The following RHBDD1 variants were observed in gnomAD, a reference collection of about 807,000 sequenced individuals.
RHBDD1 encodes the protein rhomboid-related protein 4.
A neutral mutation model predicts 36.3 loss-of-function variants in RHBDD1; 38 were observed. The observed-to-expected ratio is 1.05, with a 90% CI of 0.81 to 1.37. RHBDD1 has a LOEUF of 1.37. RHBDD1 is among the 40% of genes most tolerant of loss of function. The pLI is 0.00. For missense variants in RHBDD1, 393 were observed against 377.6 expected (o/e 1.04, Z -0.34); for synonymous variants, 151 against 136.5 (o/e 1.11, Z -0.74).
chr2:226,834,827 G>C (rs1221544764), upstream of RHBDD1, among the ~76,000 whole-genome samples: 1 of 152,122 alleles, frequency 6.6e-6, no homozygotes, highest in South Asian at 2.1e-4. Flanking sequence ...TGTCGCCCAG[G>C]CTGGAGTGCA....
chr2:226,904,595 G>T (rs758605095), intron 5 of RHBDD1, among the ~76,000 whole-genome samples: 1 of 152,206 alleles, frequency 6.6e-6, no homozygotes, highest in Admixed American at 6.5e-5. Flanking sequence ...CTGGGCAATA[G>T]TGTCATTTAG....
rs548863366 is a variant in RHBDD1 at position 226,928,867 on chromosome 2, G to A, written c.856+14516G>A. 1.8e-4 allele frequency among the ~76,000 whole-genome samples: 28 copies of A among 152,094 alleles called. 1 individual carries two copies. In the South Asian group the frequency reaches 5.4e-3, roughly 29 times the overall value. ...ATACAAAAGACCATTTGAGATTACT[G>A]TGAACACCTCTATGCATACAAACTA... On this transcript the variant is annotated intron_variant, in intron 8 of 8. Transcript: ENST00000392062.
chr2:226,964,400 A>G (rs1952461615), intron 8 of RHBDD1, among the ~76,000 whole-genome samples: 1 of 152,054 alleles, frequency 6.6e-6, no homozygotes, highest in African/African-American at 2.4e-5. Context: ...TTGTTTTCCC[A>G]ATGTCACACT....
intron 5 of RHBDD1, among the ~76,000 whole-genome samples, chr2:226,878,282 C>T (rs1438101303): frequency 6.6e-6 from 1 of 151,090 alleles, no homozygotes; most frequent in Non-Finnish European, 1.5e-5. Context: ...GAACTGTGGA[C>T]TTGAACTGTT....
the RHBDD1 span, among the ~76,000 whole-genome samples, chr2:226,818,817 C>A: frequency 1.3e-5 from 2 of 151,690 alleles, no homozygotes; most frequent in Admixed American, 6.6e-5. Context: ...CCAGCCTGGG[C>A]AACAAGAGTG....
the RHBDD1 span, among the ~76,000 whole-genome samples, chr2:226,817,505 A>T: frequency 6.6e-6 from 1 of 152,212 alleles, no homozygotes; most frequent in East Asian, 1.9e-4. Context: ...AAGCAACCAT[A>T]AACTGGAAGC....
intron 4 of RHBDD1, among the ~76,000 whole-genome samples, chr2:226,865,329 C>A (rs1944236884): frequency 6.6e-6 from 1 of 152,200 alleles, no homozygotes; most frequent in Admixed American, 6.5e-5. Flanking sequence ...TCTTAGTCTG[C>A]ACTAGGACCT....
chr2:226,838,865 T>C (rs1941301141), intron 2 of RHBDD1, among the ~76,000 whole-genome samples: 1 of 152,096 alleles, frequency 6.6e-6, no homozygotes, highest in Admixed American at 6.6e-5. Flanking sequence ...CTTGTAGAAA[T>C]TGTTTTGGAT....
At chr2:226,869,146 C>T (rs974952784) in intron 5 of RHBDD1, 29 of 983,146 alleles carry the variant, frequency 2.9e-5, no homozygotes, top group Non-Finnish European at 3.5e-5. Flanking sequence ...TTTTAGGGTT[C>T]CCCCCAACTT....
At chr2:226,816,375 C>CAAAAAAAAAAAAAAAAAAAAA in the RHBDD1 span, among the ~76,000 whole-genome samples, 2 of 64,940 alleles carry the variant, frequency 3.1e-5, no homozygotes, top group African/African-American at 9.4e-5. Flanking sequence ...GGAATGGTGG[C>CAAAAAAAAAAAAAAAAAAAAA]AAAAAAAAAA....
chr2:226,818,625 G>A, the RHBDD1 span, among the ~76,000 whole-genome samples: 1 of 151,872 alleles, frequency 6.6e-6, no homozygotes, highest in African/African-American at 2.4e-5. Flanking sequence ...TGGATCAGAA[G>A]GTCAGGCGTT....
Position 226,908,787 on chromosome 2 carries a change from G to A in RHBDD1, c.656-35G>A, listed in dbSNP as rs548816353. On this transcript the variant is annotated intron_variant, in intron 6 of 8. Transcript: ENST00000392062. ...AACAATTAGCATTTAAAGCTTTATG[G>A]CTGCCATTAAAATGTTTATTTCTTT... 111 of 1,468,880 alleles carry A rather than the reference G, an allele frequency of 7.6e-5. 1 individual carries two copies. In the South Asian group the frequency reaches 1.1e-3, roughly 15 times the overall value. The allele number at this position is 1,468,880 out of a possible 1,614,324, so 91.0% of individuals were successfully genotyped here. A position where few individuals can be genotyped will look rare whatever the true frequency, so the allele number is the denominator to read the frequency against.
intron 5 of RHBDD1, among the ~76,000 whole-genome samples, chr2:226,898,955 G>A (rs564745011): frequency 1.3e-5 from 2 of 152,186 alleles, no homozygotes; most frequent in Non-Finnish European, 2.9e-5. Context: ...CATTTGCTCT[G>A]CATACATTGT....
chr2:226,950,546 A>G (rs1164485963), intron 8 of RHBDD1, among the ~76,000 whole-genome samples: 1 of 152,174 alleles, frequency 6.6e-6, no homozygotes, highest in African/African-American at 2.4e-5. Flanking sequence ...CAGTTCCTTT[A>G]GAGGAAACTC....
At chr2:226,811,343 C>T in the RHBDD1 span, among the ~76,000 whole-genome samples, 1 of 152,120 alleles carries the variant, frequency 6.6e-6, no homozygotes, top group African/African-American at 2.4e-5. Context: ...GCTCTGTCAC[C>T]CAGGCTGGAG....
chr2:226,835,841 G>A (rs1559174314), upstream of RHBDD1: 1 of 152,340 alleles, frequency 6.6e-6, no homozygotes, highest in Non-Finnish European at 1.5e-5. Flanking sequence ...TCTCCTTACT[G>A]CGCTCTGCCG....
intron 5 of RHBDD1, among the ~76,000 whole-genome samples, chr2:226,872,360 A>G (rs1252416799): frequency 6.6e-6 from 1 of 152,228 alleles, no homozygotes; most frequent in Non-Finnish European, 1.5e-5. Flanking sequence ...ATTTTCCCCG[A>G]CAGGTTTTGC....
rs77723182 is a variant in RHBDD1, at chr2:226,901,684, A to G, written c.567-5109A>G. Among the ~76,000 whole-genome samples, 1,102 of 152,310 alleles carry G rather than the reference A, an allele frequency of 7.2e-3. 23 individuals are homozygous for G. Among genetic ancestry groups the G allele is most frequent in the African/African-American group, 0.026 (1,061 of 41,562 alleles). On this transcript the variant is annotated intron_variant, in intron 5 of 8. Transcript: ENST00000392062. ...GTTGCCCATTCATATCAAAGGAAAT[A>G]GCAAAATGAAAAGGCATCCAGCAGA...
chr2:226,840,941 A>G (rs187263223), intron 3 of RHBDD1, among the ~76,000 whole-genome samples: 1 of 152,028 alleles, frequency 6.6e-6, no homozygotes, highest in African/African-American at 2.4e-5. Context: ...AAATTTCACT[A>G]CGTTTTTTAA....
Sources: gnomAD v4.1 joint callset for allele counts (sites outside exome capture counted in the v4.1 genomes callset) on GRCh38, gnomAD v4.1.1 for gene constraint, MANE v1.5 for transcripts, NCBI Gene and HGNC (gene_info 2026-07-23, HGNC 2026-07-21) for gene names.